The following SYT1 variants were observed in gnomAD, a reference collection of about 807,000 sequenced individuals.
The protein encoded by SYT1 is synaptotagmin-1.
SYT1 carries 8 observed loss-of-function variants against 44.8 expected under a neutral mutation model. The ratio of observed to expected loss-of-function variants is 0.18; its 90% CI spans 0.10 to 0.32. The LOEUF is 0.32. Ranked by LOEUF, SYT1 falls within the 10% of genes least tolerant of loss-of-function variation. The pLI, the probability that SYT1 is intolerant of heterozygous loss-of-function variation, is 1.00. For missense variants in SYT1, 286 were observed against 509.3 expected (o/e 0.56, Z 4.22); for synonymous variants, 154 against 188.8 (o/e 0.82, Z 1.51).
At chr12:78,971,050 G>C (rs759368046) in intron 1 of SYT1, among the ~76,000 whole-genome samples, 1 of 152,156 alleles carries the variant, frequency 6.6e-6, no homozygotes, top group Non-Finnish European at 1.5e-5. Context: ...TGTGATCCTA[G>C]CTACTCAGGA....
intron 9 of SYT1, among the ~76,000 whole-genome samples, chr12:79,409,209 T>G (rs1056129047): frequency 3.3e-5 from 5 of 152,126 alleles, no homozygotes; most frequent in Non-Finnish European, 7.4e-5. Flanking sequence ...AATTAAAAAT[T>G]TATTTCTAGC....
chr12:79,337,778 G>T lies in SYT1; in HGVS notation c.811-15724G>T, dbSNP rs1239183137. ...TTTAAAATGCCTCCTTTCTAACTGT[G>T]CAGGTCAAATCTGCATTGTTATTTA... is the stretch of plus-strand genomic sequence containing the variant. On this transcript the variant is annotated intron_variant, in intron 8 of 10. Coordinates refer to ENST00000261205, the MANE Select transcript of SYT1 (RefSeq NM_005639.3). 2.0e-5 allele frequency among the ~76,000 whole-genome samples: 3 copies of T among 152,252 alleles called. No individual in the cohort carries two copies. The East Asian group carries it at 5.8e-4, about 29-fold the overall frequency.
At chr12:78,926,388 A>G (rs1877305169) in intron 1 of SYT1, among the ~76,000 whole-genome samples, 1 of 152,088 alleles carries the variant, frequency 6.6e-6, no homozygotes, top group Admixed American at 6.6e-5. Context: ...ATATTTTACT[A>G]GTGATATTCA....
At chr12:79,085,156 A>G (rs1311455870) in intron 3 of SYT1, among the ~76,000 whole-genome samples, 2 of 152,202 alleles carry the variant, frequency 1.3e-5, no homozygotes, top group African/African-American at 4.8e-5. Context: ...TGGCATCACC[A>G]TCATTCCTGA....
At chr12:79,198,412 T>C (rs1873586426) in intron 3 of SYT1, among the ~76,000 whole-genome samples, 1 of 152,184 alleles carries the variant, frequency 6.6e-6, no homozygotes, top group African/African-American at 2.4e-5. Flanking sequence ...AGCAAAATGT[T>C]TCACAGTTAA....
chr12:79,389,897 G>A (rs966051711), intron 9 of SYT1, among the ~76,000 whole-genome samples: 3 of 151,768 alleles, frequency 2.0e-5, no homozygotes, highest in African/African-American at 2.4e-5. Flanking sequence ...AAGAACAAAG[G>A]AATAGTCACT....
At chr12:78,956,239 C>G (rs1226052809) in intron 1 of SYT1, among the ~76,000 whole-genome samples, 1 of 152,012 alleles carries the variant, frequency 6.6e-6, no homozygotes, top group Non-Finnish European at 1.5e-5. Context: ...AGTGCAATAA[C>G]AGTCTGAGAA....
intron 2 of SYT1, among the ~76,000 whole-genome samples, chr12:79,030,550 C>T (rs1872769625): frequency 6.6e-6 from 1 of 151,000 alleles, no homozygotes; most frequent in Non-Finnish European, 1.5e-5. Context: ...TTATAGTCTG[C>T]CTTGGGTAGA....
intron 3 of SYT1, among the ~76,000 whole-genome samples, chr12:79,182,983 C>A (rs1872624255): frequency 6.6e-6 from 1 of 152,024 alleles, no homozygotes; most frequent in Non-Finnish European, 1.5e-5. Flanking sequence ...TTGTAATAAT[C>A]GTTCAGAGTA....
intron 3 of SYT1, among the ~76,000 whole-genome samples, chr12:79,176,451 A>C (rs1041845917): frequency 2.0e-4 from 30 of 152,068 alleles, no homozygotes; most frequent in African/African-American, 7.2e-4. Flanking sequence ...AACACTTCAC[A>C]GTTCACAAGA....
intron 3 of SYT1, among the ~76,000 whole-genome samples, chr12:79,076,514 A>G (rs1876661915): frequency 6.6e-6 from 1 of 152,212 alleles, no homozygotes; most frequent in Non-Finnish European, 1.5e-5. Flanking sequence ...AGGTGAATAC[A>G]TAAAAAGTTT....
intron 9 of SYT1, among the ~76,000 whole-genome samples, chr12:79,416,595 T>G (rs1270685164): frequency 2.0e-5 from 3 of 152,180 alleles, no homozygotes; most frequent in African/African-American, 7.2e-5. Flanking sequence ...CAAATATCTT[T>G]TAAAAAACTC....
At chr12:79,179,654 A>G (rs1212448533) in intron 3 of SYT1, among the ~76,000 whole-genome samples, 1 of 151,588 alleles carries the variant, frequency 6.6e-6, no homozygotes, top group Non-Finnish European at 1.5e-5. Flanking sequence ...TCCCGACCTC[A>G]GGTGATCAGC....
intron 9 of SYT1, among the ~76,000 whole-genome samples, chr12:79,383,295 G>T (rs1010478085): frequency 6.6e-6 from 1 of 152,132 alleles, no homozygotes; most frequent in Non-Finnish European, 1.5e-5. Context: ...AAACACAAAG[G>T]TAAGTAAGTA....
chr12:78,932,255 G>A (rs1472558684), intron 1 of SYT1, among the ~76,000 whole-genome samples: 2 of 152,132 alleles, frequency 1.3e-5, no homozygotes, highest in Admixed American at 6.5e-5. Context: ...CTTCTGTAAT[G>A]AGAAACCAAT....
chr12:78,865,832 T>C (rs1873512743), intron 1 of SYT1, among the ~76,000 whole-genome samples: 1 of 152,164 alleles, frequency 6.6e-6, no homozygotes, highest in African/African-American at 2.4e-5. Flanking sequence ...ATCTGACTTT[T>C]CCTGTTTCCA....
intron 1 of SYT1, among the ~76,000 whole-genome samples, chr12:78,883,389 T>A (rs1874567035): frequency 6.6e-6 from 1 of 151,726 alleles, no homozygotes; most frequent in South Asian, 2.1e-4. Flanking sequence ...CACTTATATA[T>A]TTCTTTTGAA....
At chr12:79,107,799 T>G (rs1878798876) in intron 3 of SYT1, among the ~76,000 whole-genome samples, 1 of 151,946 alleles carries the variant, frequency 6.6e-6, no homozygotes, top group African/African-American at 2.4e-5. Flanking sequence ...GGAAATAATT[T>G]ATTATCAATT....
chr12:79,278,702 C>T (rs931117772), intron 4 of SYT1, among the ~76,000 whole-genome samples: 1 of 151,424 alleles, frequency 6.6e-6, no homozygotes, highest in Non-Finnish European at 1.5e-5. Flanking sequence ...ATACAAGGAT[C>T]AATGAAACAA....
Sources: allele counts gnomAD v4.1 joint callset (sites outside exome capture counted in the v4.1 genomes callset), GRCh38; gene constraint gnomAD v4.1.1; transcripts MANE v1.5; gene names NCBI Gene and HGNC (gene_info 2026-07-23, HGNC 2026-07-21).